SLC20A2: variants seen among roughly 807,000 people sequenced by gnomAD.
SLC20A2 encodes solute carrier family 20 member 2.
In SLC20A2, 30 loss-of-function variants were observed where a neutral mutation model predicts 61.0. The observed-to-expected ratio is 0.49, with a 90% CI of 0.37 to 0.67. SLC20A2 has a LOEUF of 0.67. SLC20A2 is among the 30% of genes least tolerant of loss of function. The probability of loss-of-function intolerance (pLI) is 0.00; values close to 1 mark genes in which losing one functional copy is unlikely to be tolerated. For missense variants in SLC20A2, 626 were observed against 866.4 expected (o/e 0.72, Z 3.48); for synonymous variants, 351 against 353.3 (o/e 0.99, Z 0.07).
chr8:42,448,180 T>C (rs536212872), intron 5 of SLC20A2, among the ~76,000 whole-genome samples: 4 of 152,390 alleles, frequency 2.6e-5, no homozygotes, highest in Admixed American at 2.6e-4. Flanking sequence ...GCATGGTTCC[T>C]GAAGAGGTTT....
chr8:42,441,896 G>A (rs1804812887), intron 6 of SLC20A2, among the ~76,000 whole-genome samples: 1 of 151,664 alleles, frequency 6.6e-6, no homozygotes, highest in South Asian at 2.1e-4. Flanking sequence ...TTCTCACAGA[G>A]CAATAGTTTG....
chr8:42,525,827 G>T (rs1811898052), intron 1 of SLC20A2, among the ~76,000 whole-genome samples: 1 of 152,060 alleles, frequency 6.6e-6, no homozygotes, highest in South Asian at 2.1e-4. Flanking sequence ...ATATGGCAAG[G>T]GGGCACAGGA....
chr8:42,510,989 A>T (rs1015508160), intron 1 of SLC20A2, among the ~76,000 whole-genome samples: 3 of 152,222 alleles, frequency 2.0e-5, no homozygotes, highest in Non-Finnish European at 2.9e-5. Context: ...CATGGTAGAT[A>T]GAAAATCTGT....
At chr8:42,522,467 G>A (rs1811648673) in intron 1 of SLC20A2, among the ~76,000 whole-genome samples, 1 of 120,654 alleles carries the variant, frequency 8.3e-6, no homozygotes, top group African/African-American at 2.5e-5. Flanking sequence ...GATCACCTTA[G>A]GTCAGGAGTT....
intron 1 of SLC20A2, among the ~76,000 whole-genome samples, chr8:42,496,400 C>G (rs1809929870): frequency 1.3e-5 from 2 of 152,162 alleles, no homozygotes; most frequent in African/African-American, 4.8e-5. Context: ...ACAGGCATAA[C>G]TAAATTCAGA....
At chr8:42,429,689 G>A (rs768215552) in intron 9 of SLC20A2, among the ~76,000 whole-genome samples, 2 of 152,154 alleles carry the variant, frequency 1.3e-5, no homozygotes, top group Non-Finnish European at 2.9e-5. Context: ...AGCTGGGGTG[G>A]CCAGAGAACT....
chr8:42,506,248 G>C (rs1810698149), intron 1 of SLC20A2, among the ~76,000 whole-genome samples: 2 of 152,150 alleles, frequency 1.3e-5, no homozygotes, highest in African/African-American at 4.8e-5. Context: ...CCCACGTTAG[G>C]AATTCTTTGG....
chr8:42,480,508 T>TA (rs1194523118), intron 1 of SLC20A2: 10 of 152,350 alleles, frequency 6.6e-5, no homozygotes, highest in African/African-American at 2.2e-4. Context: ...TCTCCAGGCT[T>TA]ACTACCTACG....
At chr8:42,484,769 A>G in intron 1 of SLC20A2, 1 of 335,900 alleles carries the variant, frequency 3.0e-6, no homozygotes, top group Admixed American at 3.3e-5. Context: ...GCAGCCAGGC[A>G]GCTAAAGGCT....
At chr8:42,513,587 C>T (rs1291677772) in intron 1 of SLC20A2, among the ~76,000 whole-genome samples, 1 of 152,174 alleles carries the variant, frequency 6.6e-6, no homozygotes, top group African/African-American at 2.4e-5. Flanking sequence ...ATTCCCCAAC[C>T]CCATAGATTT....
At chr8:42,491,377 T>C (rs980516146) in intron 1 of SLC20A2, among the ~76,000 whole-genome samples, 1 of 151,964 alleles carries the variant, frequency 6.6e-6, no homozygotes, top group East Asian at 1.9e-4. Flanking sequence ...TGGTGGCACA[T>C]GCCTGTAATC....
intron 1 of SLC20A2, among the ~76,000 whole-genome samples, chr8:42,499,249 C>G (rs1189996627): frequency 6.6e-6 from 1 of 152,152 alleles, no homozygotes; most frequent in Non-Finnish European, 1.5e-5. Flanking sequence ...CTGCATAGAG[C>G]TCATCATGAT....
intron 7 of SLC20A2, among the ~76,000 whole-genome samples, chr8:42,438,057 AAAAACC>A (rs1804448234): frequency 4.6e-5 from 6 of 129,898 alleles, no homozygotes; most frequent in South Asian, 2.4e-4. Flanking sequence ...CACTAAAAAA[AAAAACC>A]AAAAAAAAAA....
At chr8:42,492,459 A>G (rs543648770) in intron 1 of SLC20A2, among the ~76,000 whole-genome samples, 30 of 152,358 alleles carry the variant, frequency 2.0e-4, no homozygotes, top group African/African-American at 7.0e-4. Flanking sequence ...CTCTCATATA[A>G]TTGCAGTAGA....
upstream of SLC20A2, among the ~76,000 whole-genome samples, chr8:42,504,917 G>C (rs1810567396): frequency 6.9e-6 from 1 of 144,376 alleles, no homozygotes; most frequent in Admixed American, 7.2e-5. Flanking sequence ...CCAGGTACTG[G>C]GGACAGATAC....
Position 42,522,911 on chromosome 8 carries a change from G to C in SLC20A2, c.-265+18910C>G, listed in dbSNP as rs952505512. 9.5e-4 allele frequency among the ~76,000 whole-genome samples: 142 copies of C among 148,778 alleles called. 2 individuals are homozygous for C. Among genetic ancestry groups the C allele is most frequent in the South Asian group, 3.7e-3 (17 of 4,656 alleles). On this transcript the variant is annotated intron_variant, in intron 1 of 10. Coordinates refer to the SLC20A2 transcript ENST00000342228. ...AAAAATCTGTAGAGATGGCGGGGTG[G>C]GGGGGGTCTCTCTGTGTTGCCCAGG...
chr8:42,466,136 G>GTTAT, intron 2 of SLC20A2, among the ~76,000 whole-genome samples: 1 of 152,260 alleles, frequency 6.6e-6, no homozygotes, highest in Non-Finnish European at 1.5e-5. Flanking sequence ...AGGGATGATG[G>GTTAT]TTATTTATTT....
At chr8:42,438,050 TAAAAAAAAAAACCAAAA>T (rs1804443890) in intron 7 of SLC20A2, among the ~76,000 whole-genome samples, 1 of 15,954 alleles carries the variant, frequency 6.3e-5, no homozygotes, top group African/African-American at 1.6e-4. Context: ...TGGTTACCAC[TAAAAAAAAAAACCAAAA>T]AAAAAAAAAA....
chr8:42,541,411 G>T (rs1813139942), intron 1 of SLC20A2: 1 of 147,672 alleles, frequency 6.8e-6, no homozygotes, highest in Non-Finnish European at 1.5e-5. Context: ...CCCGGGCGGG[G>T]GTCGCGGCGC....
Sources: allele counts gnomAD v4.1 joint callset (sites outside exome capture counted in the v4.1 genomes callset), GRCh38; gene constraint gnomAD v4.1.1; transcripts MANE v1.5; gene names NCBI Gene and HGNC (gene_info 2026-07-23, HGNC 2026-07-21).